The following NOL10 variants were observed in gnomAD, a reference collection of about 807,000 sequenced individuals.
NOL10 encodes the protein H_NH0074G24.1.
Under a neutral mutation model 103.5 loss-of-function variants are expected in NOL10, and 58 were observed. The ratio of observed to expected loss-of-function variants is 0.56; its 90% CI spans 0.45 to 0.70. NOL10 has a LOEUF of 0.70. NOL10 is among the 30% of genes least tolerant of loss of function. NOL10 has a pLI of 0.00. For synonymous variants in NOL10, 287 were observed against 282.5 expected (o/e 1.02, Z -0.16); for missense variants, 763 against 807.3 (o/e 0.95, Z 0.67).
chr2:10,591,831 C>T (rs1009944117), intron 17 of NOL10, among the ~76,000 whole-genome samples: 7 of 151,910 alleles, frequency 4.6e-5, no homozygotes, highest in Non-Finnish European at 8.8e-5. Context: ...TGGTGAGACG[C>T]TGTCTATACA....
intron 13 of NOL10, among the ~76,000 whole-genome samples, chr2:10,633,973 CAT>C (rs779563771): frequency 3.9e-5 from 6 of 152,018 alleles, no homozygotes; most frequent in African/African-American, 7.2e-5. Context: ...ACTACAGACA[CAT>C]GTCACCACAC....
rs746436578 is a variant in NOL10 at position 10,682,022 on chromosome 2, C to T, written c.160G>A (p.Val54Met). 4 of 1,537,662 alleles carry T rather than the reference C, an allele frequency of 2.6e-6. No homozygotes were observed. The highest frequency in any genetic ancestry group is 3.5e-6 in the Non-Finnish European group (4 of 1,140,636). The change falls in exon 3 of 21, where the codon GTG (valine) becomes ATG (methionine). Residue 54 changes from valine to methionine, a missense_variant. Physicochemically the swap from Val to Met is conservative, Grantham distance 21 (BLOSUM62 1). Transcript: ENST00000381685. ...ELIQDFEMPT[V>M]CTTIKVSKDG... ...TTTGACACCTTAATAGTGGTACACA[C>T]AGTAGGCATTTCAAAGTCCTGAATA...
At chr2:10,687,694 C>A (rs1227021128) in intron 1 of NOL10, among the ~76,000 whole-genome samples, 3 of 152,180 alleles carry the variant, frequency 2.0e-5, no homozygotes, top group African/African-American at 7.2e-5. Context: ...TGCAGTGGCT[C>A]ATGCCTGTAA....
intron 20 of NOL10, among the ~76,000 whole-genome samples, chr2:10,572,993 G>A (rs940480945): frequency 5.3e-5 from 8 of 152,046 alleles, no homozygotes; most frequent in Admixed American, 3.9e-4. Flanking sequence ...CCACAACAAA[G>A]GTTAAGAGTT....
intron 13 of NOL10, chr2:10,634,435 T>C (rs1038193926): frequency 2.2e-6 from 1 of 450,600 alleles, no homozygotes; most frequent in African/African-American, 2.0e-5. Flanking sequence ...GCAGGTGGGG[T>C]GCAGGTGGGG....
At chr2:10,644,713 A>C (rs548827273) in intron 12 of NOL10, among the ~76,000 whole-genome samples, 241 of 152,344 alleles carry the variant, frequency 1.6e-3, no homozygotes, top group African/African-American at 5.6e-3. Flanking sequence ...GAATTATAAC[A>C]GACTGAACCA....
chr2:10,588,218 AG>A (rs1675215962), intron 19 of NOL10, among the ~76,000 whole-genome samples: 1 of 152,198 alleles, frequency 6.6e-6, no homozygotes, highest in South Asian at 2.1e-4. Flanking sequence ...TTTTTTTGGA[AG>A]GGTGGTAAAT....
At chr2:10,668,778 T>C (rs1680720444) in intron 6 of NOL10, 55 bp from the exon 7 acceptor site, 1 of 726,424 alleles carries the variant, frequency 1.4e-6, no homozygotes, top group Non-Finnish European at 2.1e-6. Flanking sequence ...AAACTTTAAG[T>C]AAATATAAAT....
intron 13 of NOL10, among the ~76,000 whole-genome samples, chr2:10,619,127 T>C (rs528678729): frequency 6.6e-6 from 1 of 152,288 alleles, no homozygotes; most frequent in South Asian, 2.1e-4. Flanking sequence ...TGAACCACTG[T>C]AGTATGTATG....
chr2:10,630,971 T>C (rs1171968412), intron 13 of NOL10, among the ~76,000 whole-genome samples: 2 of 152,192 alleles, frequency 1.3e-5, no homozygotes, highest in Admixed American at 6.5e-5. Context: ...CATCTGACAC[T>C]ACCTTCCCAA....
intron 17 of NOL10, among the ~76,000 whole-genome samples, chr2:10,594,588 T>C (rs1308128888): frequency 1.3e-5 from 2 of 152,330 alleles, no homozygotes; most frequent in South Asian, 4.1e-4. Flanking sequence ...GGGTGTTGAT[T>C]AGTGATAACT....
At chr2:10,576,911 A>AG (rs1241176954) in intron 20 of NOL10, among the ~76,000 whole-genome samples, 4 of 140,356 alleles carry the variant, frequency 2.8e-5, no homozygotes, top group African/African-American at 1.0e-4. Context: ...CTACTGCTTA[A>AG]GGAAAAAAAA....
rs2148193370 is a variant in NOL10 at position 10,607,194 on chromosome 2, C to A, written c.1144G>T (p.Glu382Ter). The A allele has an allele frequency of 6.5e-7, 1 of 1,546,260 alleles. No homozygotes were observed. The highest frequency in any genetic ancestry group is 8.7e-7 in the Non-Finnish European group (1 of 1,145,674). Residue 382 changes from glutamate (E) to a stop codon, truncating the protein, a stop_gained, in exon 14 of 21, where the codon GAA becomes TAA. Coordinates refer to ENST00000381685, the MANE Select transcript of NOL10 (RefSeq NM_024894.4). LOFTEE classifies it high-confidence loss of function. ...ACAATTTTTTTTTTACCTAAATTTT[C>A]AAGGTCTTTCTTGGTGACAAATTTA... ...DYKFVTKKDLENLGLTHLIGS... is the reference protein window; with the variant it reads ...DYKFVTKKDL
chr2:10,661,001 C>A (rs144531492), intron 9 of NOL10, among the ~76,000 whole-genome samples: 5 of 151,658 alleles, frequency 3.3e-5, no homozygotes, highest in African/African-American at 1.2e-4. Flanking sequence ...TTTTAACACT[C>A]GGGTATACAT....
intron 19 of NOL10, among the ~76,000 whole-genome samples, chr2:10,580,583 T>C (rs192678166): frequency 1.2e-4 from 18 of 152,298 alleles, no homozygotes; most frequent in Non-Finnish European, 2.6e-4. Context: ...CAGTGTAGAA[T>C]GCAGAAGGCT....
chr2:10,651,731 A>C (rs1433477687), intron 12 of NOL10, among the ~76,000 whole-genome samples: 1 of 152,034 alleles, frequency 6.6e-6, no homozygotes, highest in Non-Finnish European at 1.5e-5. Flanking sequence ...GCTCCACCTG[A>C]TTTACTCACT....
chr2:10,689,781 C>T lies in NOL10; in HGVS notation c.66+15G>A, dbSNP rs1682500550. On this transcript the variant is annotated intron_variant, in intron 1 of 20. Transcript: ENST00000381685. ...CCCAAGAGCTCGAGAGTGAGGGGGC[C>T]GGGAAGTGACTCACCTCAGGAAGGG... 6.3e-7 allele frequency: 1 copy of T among 1,595,720 alleles called. No homozygotes were observed. The highest frequency in any genetic ancestry group is 1.3e-5 in the African/African-American group (1 of 74,680).
At chr2:10,639,364 G>A (rs1678544524) in intron 13 of NOL10, among the ~76,000 whole-genome samples, 1 of 152,188 alleles carries the variant, frequency 6.6e-6, no homozygotes, top group African/African-American at 2.4e-5. Context: ...AGAGCTTGCA[G>A]TGAGCCGAGA....
chr2:10,638,483 C>CTTTTTTTTTTTTTTTTTTTTTTTTTTTTT (rs869294782), intron 13 of NOL10, among the ~76,000 whole-genome samples: 1 of 77,784 alleles, frequency 1.3e-5, no homozygotes, highest in African/African-American at 5.4e-5. Flanking sequence ...GCTGAATTCC[C>CTTTTTTTTTTTTTTTTTTTTTTTTTTTTT]TTTTTTTTTT....
Sources: allele counts gnomAD v4.1 joint callset (sites outside exome capture counted in the v4.1 genomes callset), GRCh38; gene constraint gnomAD v4.1.1; transcripts MANE v1.5; gene names NCBI Gene and HGNC (gene_info 2026-07-23, HGNC 2026-07-21).